Variants in CTBP2 observed in about 807,000 individuals in gnomAD.
The protein encoded by CTBP2 is C-terminal-binding protein 2.
CTBP2 carries 30 observed loss-of-function variants against 80.3 expected under a neutral mutation model. The observed-to-expected ratio is 0.37, with a 90% CI of 0.28 to 0.51. The LOEUF is 0.51. Ranked by LOEUF, CTBP2 falls within the 20% of genes least tolerant of loss-of-function variation. The pLI, the probability that CTBP2 is intolerant of heterozygous loss-of-function variation, is 0.93. For missense variants in CTBP2, 1,212 were observed against 1,375.3 expected (o/e 0.88, Z 1.88); for synonymous variants, 594 against 587.4 (o/e 1.01, Z -0.16).
chr10:125,042,428 T>C (rs946943873), intron 2 of CTBP2, among the ~76,000 whole-genome samples: 2 of 152,104 alleles, frequency 1.3e-5, no homozygotes, highest in Admixed American at 1.3e-4. Context: ...TAAATCAATT[T>C]TTCCCCCCTA....
upstream of CTBP2, among the ~76,000 whole-genome samples, chr10:125,031,496 A>AAAAAAAAAAAAAAC (rs1958201631): frequency 6.8e-6 from 1 of 146,050 alleles, no homozygotes. Flanking sequence ...TTCAAAAAAA[A>AAAAAAAAAAAAAAC]AAAAAAAAAA....
rs555910335 is a variant in CTBP2, at chr10:125,099,752, G to C, written c.-102+11238C>G. ...CAGAAGGGTCCCAAGGACTGTTCAG[G>C]TCCACGGTCTCTTTCTCTGGACCCA... On this transcript the variant is annotated intron_variant, in intron 2 of 10. Coordinates refer to the CTBP2 transcript ENST00000337195. Among the ~76,000 whole-genome samples the C allele has an allele frequency of 9.3e-4, 141 of 152,334 alleles. 1 individual carries two copies. Among genetic ancestry groups the C allele is most frequent in the African/African-American group, 3.2e-3 (133 of 41,570 alleles).
intron 1 of CTBP2, among the ~76,000 whole-genome samples, chr10:125,125,498 T>G (rs1012428128): frequency 1.3e-5 from 2 of 152,178 alleles, no homozygotes; most frequent in African/African-American, 4.8e-5. Flanking sequence ...CTAAGCATCA[T>G]TTTCATAAAA....
Position 124,985,050 on chromosome 10 carries a change from A to G in CTBP2, c.*4468T>C. 1 of 1,350,456 alleles carries G rather than the reference A, an allele frequency of 7.4e-7. No individual in the cohort carries two copies. Among genetic ancestry groups the G allele is most frequent in the Non-Finnish European group, 1.0e-6 (1 of 968,716 alleles). The allele number at this position is 1,350,456 out of a possible 1,614,324, so 83.7% of individuals were successfully genotyped here. A position where few individuals can be genotyped will look rare whatever the true frequency, so the allele number is the denominator to read the frequency against. ...TCAGATCTGTAATGACCCTAAAGTT[A>G]GTGTGGTGCTCCAAGCAGAGTCGAC... On this transcript the variant is annotated 3_prime_UTR_variant, in exon 9 of 9. Transcript: ENST00000309035.
chr10:125,087,079 T>C lies in CTBP2; in HGVS notation c.-102+23911A>G, dbSNP rs543366691. On this transcript the variant is annotated intron_variant, in intron 2 of 10. Coordinates refer to the CTBP2 transcript ENST00000337195. ...GAAAATTTGGGCAATTTCTTTCTTT[T>C]TTTTTTTTTTTTTGAGACAGAGTCT... is the stretch of plus-strand genomic sequence containing the variant. 1.0e-4 allele frequency among the ~76,000 whole-genome samples: 15 copies of C among 148,420 alleles called. No individual in the cohort carries two copies. The South Asian group carries it at 1.0e-3, about 10-fold the overall frequency.
chr10:125,060,461 C>A (rs1964734109), intron 2 of CTBP2, among the ~76,000 whole-genome samples: 2 of 125,990 alleles, frequency 1.6e-5, no homozygotes, highest in South Asian at 3.0e-4. Flanking sequence ...CCATTCCCCC[C>A]ACGTGTGTGT....
At chr10:125,108,178 C>T (rs1374100758) in intron 2 of CTBP2, among the ~76,000 whole-genome samples, 12 of 152,190 alleles carry the variant, frequency 7.9e-5, no homozygotes, top group South Asian at 2.1e-4. Context: ...AAATTTAGCA[C>T]GTCACTATTC....
rs1328064523 is a variant in CTBP2, at chr10:125,066,823, C to T, written c.-101-27668G>A. 6.6e-6 allele frequency among the ~76,000 whole-genome samples: 1 copy of T among 152,174 alleles called. No homozygotes were observed. The highest frequency in any genetic ancestry group is 1.5e-5 in the Non-Finnish European group (1 of 68,024). Reference sequence around the variant, plus strand: ...TAGCCCATGTGTCGATCAGTAAATGCCTCAGGGTGAACTCGAGAATCCAGA... The same window carrying T: ...TAGCCCATGTGTCGATCAGTAAATGTCTCAGGGTGAACTCGAGAATCCAGA... On this transcript the variant is annotated intron_variant, in intron 2 of 10. Transcript: ENST00000337195. This position sits in a 1 kb window ranked among gnomAD's most constrained non-coding sequence, Gnocchi z 4.1.
At chr10:125,018,785 G>A (rs1173443775) in intron 1 of CTBP2, among the ~76,000 whole-genome samples, 2 of 152,294 alleles carry the variant, frequency 1.3e-5, no homozygotes, top group Non-Finnish European at 2.9e-5. Flanking sequence ...CGCGCTCCCC[G>A]CCAACGCCAC....
rs748985864 is a variant in CTBP2 at position 124,993,878 on chromosome 10, G to A, written c.2508C>T (p.Asp836=). Reference sequence around the variant, plus strand: ...ACCTGAAGGGCTCTGACTCATGCACGTCGAGGGCTGCCCCTCGTATCCTGC... The same window carrying A: ...ACCTGAAGGGCTCTGACTCATGCACATCGAGGGCTGCCCCTCGTATCCTGC... Residue 836 remains aspartate, a synonymous_variant, in exon 6 of 9, where the codon GAC becomes GAT. Coordinates refer to ENST00000309035, the MANE Select transcript of CTBP2 (RefSeq NM_022802.3). The A allele has an allele frequency of 5.7e-5, 92 of 1,613,674 alleles. 1 individual carries two copies. The highest frequency in any genetic ancestry group is 6.7e-5 in the Non-Finnish European group (79 of 1,180,004).
chr10:125,046,816 C>A (rs1173112715), intron 2 of CTBP2, among the ~76,000 whole-genome samples: 1 of 152,202 alleles, frequency 6.6e-6, no homozygotes, highest in Admixed American at 6.5e-5. Flanking sequence ...CAGGCTTTCC[C>A]TTGGCCAACA....
rs76045625 is a variant in CTBP2 at position 125,157,046 on chromosome 10, G to A, written c.-206+3273C>T. ...ATATCTCACCAAGTATGTCACTGGC[G>A]TGTTTTTTACAATGGCAGTAGTGTT... On this transcript the variant is annotated intron_variant, in intron 1 of 10. Transcript: ENST00000337195. 5.5e-3 allele frequency among the ~76,000 whole-genome samples: 843 copies of A among 152,306 alleles called. 8 individuals carry two copies. The highest frequency in any genetic ancestry group is 0.019 in the African/African-American group (809 of 41,556).
intron 8 of CTBP2, among the ~76,000 whole-genome samples, chr10:124,991,022 G>A (rs1355855354): frequency 1.3e-5 from 2 of 152,254 alleles, no homozygotes; most frequent in African/African-American, 4.8e-5. Context: ...TACTCCCATG[G>A]CCTGAGATGG....
At chr10:125,090,695 C>T (rs571985540) in intron 2 of CTBP2, among the ~76,000 whole-genome samples, 3 of 151,298 alleles carry the variant, frequency 2.0e-5, no homozygotes, top group South Asian at 2.1e-4. Flanking sequence ...CCCAGGACGT[C>T]GAGGCTGTAG....
intron 1 of CTBP2, among the ~76,000 whole-genome samples, chr10:125,121,728 T>A (rs1712405418): frequency 6.6e-6 from 1 of 152,012 alleles, no homozygotes; most frequent in African/African-American, 2.4e-5. Context: ...TACAACAACA[T>A]CTAGAAATGG....
chr10:125,004,494 T>C (rs1954971224), intron 1 of CTBP2, among the ~76,000 whole-genome samples: 1 of 152,046 alleles, frequency 6.6e-6, no homozygotes, highest in African/African-American at 2.4e-5. Context: ...ATTTCGTAGG[T>C]CCTCCTGACC....
Position 124,989,288 on chromosome 10 carries a change from A to C in CTBP2, c.*230T>G, listed in dbSNP as rs1446443161. 8 of 558,730 alleles carry C rather than the reference A, an allele frequency of 1.4e-5. No homozygotes were observed. Among genetic ancestry groups the C allele is most frequent in the Non-Finnish European group, 6.4e-6 (2 of 312,740 alleles). 34.6% of individuals were successfully genotyped at this position (558,730 alleles called of 1,614,324 possible). ...TGCACAGATGAAAAACTTAACACACAATAACAGAAGTTGGTCGTTAATAAA... is the reference window on the plus strand; with the variant it reads ...TGCACAGATGAAAAACTTAACACACCATAACAGAAGTTGGTCGTTAATAAA... On this transcript the variant is annotated 3_prime_UTR_variant, in exon 9 of 9. Transcript: ENST00000309035.
At chr10:125,132,634 C>T (rs1441276343) in intron 1 of CTBP2, among the ~76,000 whole-genome samples, 4 of 152,144 alleles carry the variant, frequency 2.6e-5, no homozygotes, top group Non-Finnish European at 4.4e-5. Context: ...CACCAGTATT[C>T]GCACATCCGT....
chr10:125,125,757 G>A (rs999532664), intron 1 of CTBP2, among the ~76,000 whole-genome samples: 4 of 152,180 alleles, frequency 2.6e-5, no homozygotes, highest in Non-Finnish European at 2.9e-5. Context: ...TAGCAGAGAC[G>A]ACATCCAGCA....
Sources: allele counts gnomAD v4.1 joint callset (sites outside exome capture counted in the v4.1 genomes callset), GRCh38; gene constraint gnomAD v4.1.1; non-coding constraint Gnocchi (gnomAD v3.1); transcripts MANE v1.5; gene names NCBI Gene and HGNC (gene_info 2026-07-23, HGNC 2026-07-21).